Variants in MGAT5 observed in about 807,000 individuals in gnomAD.
MGAT5 encodes alpha-1,6-mannosylglycoprotein 6-beta-N-acetylglucosaminyltransferase A.
Under a neutral mutation model 94.3 loss-of-function variants are expected in MGAT5, and 30 were observed. The ratio of observed to expected loss-of-function variants is 0.32; its 90% confidence interval spans 0.24 to 0.43. The LOEUF (loss-of-function observed/expected upper bound fraction) is 0.43. Ranked by LOEUF, MGAT5 falls within the 20% of genes least tolerant of loss-of-function variation. MGAT5 has a pLI of 1.00. For missense variants in MGAT5, 691 were observed against 905.5 expected, an observed-to-expected ratio of 0.76 and a Z score of 3.04; for synonymous variants, 310 against 322.9, an observed-to-expected ratio of 0.96 and a Z score of 0.43.
At chr2:134,134,160 A>G (rs548435061) in intron 1 of MGAT5, among the ~76,000 whole-genome samples, 1 of 152,278 alleles carries the variant, frequency 6.6e-6, no homozygotes, top group East Asian at 1.9e-4. Flanking sequence ...AGAACCTGGC[A>G]TGCAATTCTT....
Position 134,337,047 on chromosome 2 carries a change from T to C in MGAT5, c.645+759T>C, listed in dbSNP as rs146698974. Among the ~76,000 whole-genome samples the C allele has an allele frequency of 4.0e-3, 614 of 152,292 alleles. 3 individuals carry two copies. Among genetic ancestry groups the C allele is most frequent in the African/African-American group, 0.014 (568 of 41,576 alleles). ...GCGCAGAGAGCAGCTGTATATGATA[T>C]GTAAATGAAGGGGCATGGCTGAGTT... is the stretch of plus-strand genomic sequence containing the variant. On this transcript the variant is annotated intron_variant, in intron 5 of 15. Transcript: ENST00000281923.
At chr2:134,335,847 C>T (rs2105978211) in intron 4 of MGAT5, among the ~76,000 whole-genome samples, 1 of 152,268 alleles carries the variant, frequency 6.6e-6, no homozygotes, top group African/African-American at 2.4e-5. Flanking sequence ...TAAAGGGTCA[C>T]AGAGACACCT....
intron 3 of MGAT5, among the ~76,000 whole-genome samples, chr2:134,318,061 A>G (rs1425232002): frequency 1.3e-5 from 2 of 152,024 alleles, no homozygotes; most frequent in Non-Finnish European, 2.9e-5. Flanking sequence ...CTTGGCTGCT[A>G]TTTTACTTGG....
chr2:134,148,065 C>T (rs1179258286), intron 1 of MGAT5, among the ~76,000 whole-genome samples: 1 of 152,254 alleles, frequency 6.6e-6, no homozygotes, highest in Middle Eastern at 3.4e-3. Context: ...GCACTCATAC[C>T]GTATCACAAT....
At chr2:134,313,208 A>C (rs1371862408) in intron 2 of MGAT5, among the ~76,000 whole-genome samples, 1 of 152,034 alleles carries the variant, frequency 6.6e-6, no homozygotes, top group Non-Finnish European at 1.5e-5. Flanking sequence ...TGGGACTGTC[A>C]GGGAGAATCT....
At chr2:134,142,047 G>C (rs1686682617) in intron 1 of MGAT5, among the ~76,000 whole-genome samples, 1 of 152,182 alleles carries the variant, frequency 6.6e-6, no homozygotes, top group Admixed American at 6.5e-5. Flanking sequence ...GGAGAGCAGG[G>C]GAACTTGAAG....
intron 1 of MGAT5, among the ~76,000 whole-genome samples, chr2:134,247,940 C>T (rs188301492): frequency 1.0e-3 from 159 of 152,240 alleles, no homozygotes; most frequent in African/African-American, 3.6e-3. Context: ...AAGAAAGGTT[C>T]CCGGGTATTT....
chr2:134,121,125 G>A (rs1041276901), intron 1 of MGAT5, among the ~76,000 whole-genome samples: 1 of 152,176 alleles, frequency 6.6e-6, no homozygotes, highest in African/African-American at 2.4e-5. Flanking sequence ...CGCCGCTCTC[G>A]CCTGTGGCTC....
At position 134,276,095 on chromosome 2, in the gene MGAT5, T is replaced by C. The variant is rs534424844; in HGVS notation, c.406+5545T>C. Among the ~76,000 whole-genome samples, 44 of 152,246 alleles carry C rather than the reference T, an allele frequency of 2.9e-4. No homozygotes were observed. The South Asian group carries it at 3.1e-3, about 11-fold the overall frequency. The stretch of plus-strand genomic sequence containing the variant: ...GAAAGACGCCTGAGACGCTGAAGTT[T>C]CCTGATTGCCAGCTGAGACCTAAAG... On this transcript the variant is annotated intron_variant, in intron 2 of 15. Coordinates refer to ENST00000281923, the MANE Select transcript of MGAT5 (RefSeq NM_002410.5).
At chr2:134,362,912 T>G (rs1680194120) in intron 10 of MGAT5, among the ~76,000 whole-genome samples, 1 of 152,220 alleles carries the variant, frequency 6.6e-6, no homozygotes. Flanking sequence ...CTGTAGGCAC[T>G]TTGTTCAGGG....
At chr2:134,161,776 AT>A (rs1004672333) in intron 1 of MGAT5, among the ~76,000 whole-genome samples, 34 of 151,574 alleles carry the variant, frequency 2.2e-4, no homozygotes, top group African/African-American at 6.8e-4. Context: ...TCATAGATTT[AT>A]TTTTTTTTAA....
intron 1 of MGAT5, among the ~76,000 whole-genome samples, chr2:134,163,375 C>T (rs1458637000): frequency 6.6e-6 from 1 of 152,102 alleles, no homozygotes; most frequent in Non-Finnish European, 1.5e-5. Context: ...GGACGGTTCA[C>T]CTGGCAGGTG....
chr2:134,342,718 T>A (rs1343062874), intron 7 of MGAT5, among the ~76,000 whole-genome samples: 42 of 13,194 alleles, frequency 3.2e-3, no homozygotes, highest in African/African-American at 7.6e-3. Flanking sequence ...AGTCTCTGTC[T>A]TAAAAAAAAA....
chr2:134,419,682 C>A (rs1402373312), intron 12 of MGAT5, among the ~76,000 whole-genome samples: 1 of 152,060 alleles, frequency 6.6e-6, no homozygotes, highest in Admixed American at 6.5e-5. Context: ...CAGAGGGGAA[C>A]TAATGAATCA....
At chr2:134,252,065 C>T (rs749053373), upstream of MGAT5, among the ~76,000 whole-genome samples, 1 of 152,200 alleles carries the variant, frequency 6.6e-6, no homozygotes, top group Non-Finnish European at 1.5e-5. Context: ...GACAGGATTT[C>T]TCTCTCTTTT....
chr2:134,376,868 T>TA (rs1388417093), intron 10 of MGAT5, among the ~76,000 whole-genome samples: 1 of 152,208 alleles, frequency 6.6e-6, no homozygotes, highest in African/African-American at 2.4e-5. Context: ...TAGGTCTTCC[T>TA]ACCAGCACCA....
chr2:134,450,641 C>T lies in MGAT5; in HGVS notation c.*1794C>T, dbSNP rs1300368516. ...CCTCCTCCACTCCTTAGGTGGCCCC[C>T]AAGCACATCTGCCAGGTAGAGTACC... On this transcript the variant is annotated 3_prime_UTR_variant, in exon 16 of 16. Transcript: ENST00000281923. 6.6e-6 allele frequency: 1 copy of T among 152,230 alleles called. No individual in the cohort carries two copies. Among genetic ancestry groups the T allele is most frequent in the African/African-American group, 2.4e-5 (1 of 41,396 alleles). The allele number at this position is 152,230 out of a possible 1,614,324, so 9.4% of individuals were successfully genotyped here. A position where few individuals can be genotyped will look rare whatever the true frequency, so the allele number is the denominator to read the frequency against.
chr2:134,379,965 C>A lies in MGAT5; in HGVS notation c.1380+17557C>A, dbSNP rs35394847. Among the ~76,000 whole-genome samples, 657 of 152,308 alleles carry A rather than the reference C, an allele frequency of 4.3e-3. 2 individuals are homozygous for A. The highest frequency in any genetic ancestry group is 0.01 in the Middle Eastern group (3 of 294). On this transcript the variant is annotated intron_variant, in intron 10 of 15. Transcript: ENST00000281923. The stretch of plus-strand genomic sequence containing the variant: ...TGGGCATATTTTAACTTGTGTCAAC[C>A]CAGTTTTCTCACCTGTAAAACAAGA...
chr2:134,397,075 G>A (rs935151664), intron 10 of MGAT5, among the ~76,000 whole-genome samples: 17 of 152,206 alleles, frequency 1.1e-4, no homozygotes, highest in Non-Finnish European at 1.5e-4. Flanking sequence ...GATGACAGAG[G>A]GAATAGTTGG....
Sources: gnomAD v4.1 joint callset for allele counts (sites outside exome capture counted in the v4.1 genomes callset) on GRCh38, gnomAD v4.1.1 for gene constraint, MANE v1.5 for transcripts, NCBI Gene and HGNC (gene_info 2026-07-23, HGNC 2026-07-21) for gene names.